The following LINGO2 variants were observed in gnomAD, a reference collection of about 807,000 sequenced individuals.
LINGO2 encodes leucine-rich repeat and immunoglobulin-like domain-containing nogo receptor-interacting protein 2.
LINGO2 carries 14 observed loss-of-function variants against 30.6 expected under a neutral mutation model. The observed-to-expected ratio is 0.46, with a 90% confidence interval of 0.30 to 0.72. The LOEUF is 0.72. Ranked by LOEUF, LINGO2 falls within the 30% of genes least tolerant of loss-of-function variation. LINGO2 has a pLI of 0.07. For synonymous variants in LINGO2, 317 were observed against 288.5 expected (o/e 1.10, Z -1.00); for missense variants, 729 against 751.7 (o/e 0.97, Z 0.35).
rs570109610 is a variant in LINGO2, at chr9:28,284,360, T to G, written c.-87+10848A>C. Among the ~76,000 whole-genome samples the G allele has an allele frequency of 3.9e-5, 6 of 152,310 alleles. No homozygotes were observed. In the South Asian group the frequency reaches 1.2e-3, roughly 32 times the overall value. On this transcript the variant is annotated intron_variant, in intron 4 of 5. Coordinates refer to ENST00000379992, the Ensembl canonical transcript of LINGO2. The stretch of plus-strand genomic sequence containing the variant: ...CTTGTGATGTAGATTCTGCACTCAC[T>G]GAGAAGACTGGACCAACCCAAAACC...
At chr9:28,685,477 AT>A in the LINGO2 span, among the ~76,000 whole-genome samples, 1 of 152,142 alleles carries the variant, frequency 6.6e-6, no homozygotes, top group African/African-American at 2.4e-5. Context: ...TAATAATAAC[AT>A]TTCGTACAAT....
the LINGO2 span, among the ~76,000 whole-genome samples, chr9:28,878,802 A>G: frequency 6.6e-6 from 1 of 152,294 alleles, no homozygotes; most frequent in East Asian, 1.9e-4. Flanking sequence ...TTCATGCTAA[A>G]AACTCTCAAT....
chr9:28,895,739 G>A, the LINGO2 span, among the ~76,000 whole-genome samples: 1 of 152,138 alleles, frequency 6.6e-6, no homozygotes, highest in Non-Finnish European at 1.5e-5. Context: ...GGATGTCACA[G>A]GAGGGAGAAC....
intron 3 of LINGO2, among the ~76,000 whole-genome samples, chr9:28,308,487 A>C (rs1186853643): frequency 4.8e-5 from 7 of 146,676 alleles, no homozygotes; most frequent in African/African-American, 1.8e-4. Flanking sequence ...CCTAGAAGAA[A>C]ACCTAGGCGT....
the LINGO2 span, among the ~76,000 whole-genome samples, chr9:28,929,831 T>C: frequency 3.9e-5 from 6 of 152,188 alleles, no homozygotes; most frequent in Non-Finnish European, 2.9e-5. Context: ...ACCCCTGAGA[T>C]TGAGACTAAG....
the LINGO2 span, among the ~76,000 whole-genome samples, chr9:29,078,800 C>T: frequency 6.6e-6 from 1 of 151,768 alleles, no homozygotes; most frequent in Non-Finnish European, 1.5e-5. Context: ...GCAATTTGTC[C>T]CATTATCTTA....
At chr9:29,142,594 T>A in the LINGO2 span, among the ~76,000 whole-genome samples, 1 of 151,734 alleles carries the variant, frequency 6.6e-6, no homozygotes, top group Admixed American at 6.6e-5. Context: ...AAAACAGTAG[T>A]AACAATAAAA....
At chr9:28,280,624 A>G (rs1340751783) in intron 4 of LINGO2, among the ~76,000 whole-genome samples, 2 of 152,094 alleles carry the variant, frequency 1.3e-5, no homozygotes, top group African/African-American at 4.8e-5. Context: ...GGTAGAGGTA[A>G]AACATCTGGA....
chr9:28,094,049 T>A (rs1323178765), intron 4 of LINGO2, among the ~76,000 whole-genome samples: 1 of 152,108 alleles, frequency 6.6e-6, no homozygotes, highest in Non-Finnish European at 1.5e-5. Context: ...ATAAATGTGA[T>A]CTGAACAATG....
intron 2 of LINGO2, among the ~76,000 whole-genome samples, chr9:28,422,897 A>G (rs1823260585): frequency 6.6e-6 from 1 of 152,110 alleles, no homozygotes; most frequent in Non-Finnish European, 1.5e-5. Flanking sequence ...CTTTGAAGAC[A>G]TCATGCTGAA....
chr9:28,440,592 T>TA lies in LINGO2; in HGVS notation c.-279+35347dup, dbSNP rs536498209. 3.3e-3 allele frequency among the ~76,000 whole-genome samples: 496 copies of TA among 152,198 alleles called. 4 individuals carry two copies. The highest frequency in any genetic ancestry group is 0.011 in the African/African-American group (456 of 41,544). Reference sequence around the variant, plus strand: ...CATGTCTTTTAGAAATACCATAGGATAAAAAAATTACACAAAAACTCTGAA... The same window carrying TA: ...CATGTCTTTTAGAAATACCATAGGATAAAAAAAATTACACAAAAACTCTGAA... On this transcript the variant is annotated intron_variant, in intron 2 of 5. Transcript: ENST00000379992.
the LINGO2 span, among the ~76,000 whole-genome samples, chr9:28,769,759 T>C: frequency 6.6e-6 from 1 of 151,298 alleles, no homozygotes; most frequent in African/African-American, 2.4e-5. Context: ...CTATCATGCA[T>C]AGAATAGATC....
the LINGO2 span, among the ~76,000 whole-genome samples, chr9:28,948,858 T>A: frequency 4.6e-5 from 7 of 151,926 alleles, no homozygotes; most frequent in Non-Finnish European, 1.0e-4. Context: ...CGTTCCTGGA[T>A]TTCTATTTTT....
chr9:28,950,239 G>A, the LINGO2 span, among the ~76,000 whole-genome samples: 111,577 of 152,030 alleles, frequency 0.73, 41,139 homozygotes, highest in Non-Finnish European at 0.78. Flanking sequence ...TTGATGGAAC[G>A]TATCTCAAAA....
At chr9:29,104,013 C>T in the LINGO2 span, among the ~76,000 whole-genome samples, 1 of 152,256 alleles carries the variant, frequency 6.6e-6, no homozygotes, top group South Asian at 2.1e-4. Context: ...TTAGCTTGTG[C>T]ATATAAGGTG....
chr9:28,328,555 T>TG (rs1044220367), intron 3 of LINGO2, among the ~76,000 whole-genome samples: 2 of 127,394 alleles, frequency 1.6e-5, no homozygotes, highest in African/African-American at 5.3e-5. Context: ...AGTCCATCTT[T>TG]GAAAAAAAAA....
intron 4 of LINGO2, among the ~76,000 whole-genome samples, chr9:28,040,043 T>C (rs573628321): frequency 6.6e-6 from 1 of 152,344 alleles, no homozygotes; most frequent in Non-Finnish European, 1.5e-5. Context: ...AGGTGAACTA[T>C]TTTCATCCTG....
At chr9:28,906,318 G>T in the LINGO2 span, among the ~76,000 whole-genome samples, 2 of 151,388 alleles carry the variant, frequency 1.3e-5, no homozygotes, top group Non-Finnish European at 2.9e-5. Flanking sequence ...ACTACAAAAA[G>T]TAAGTATGTG....
the LINGO2 span, among the ~76,000 whole-genome samples, chr9:28,781,696 GAAGT>G: frequency 1.3e-3 from 197 of 152,150 alleles, no homozygotes; most frequent in African/African-American, 4.6e-3. Context: ...AAGAAACAAA[GAAGT>G]AAGAGATCTG....
Sources: allele counts gnomAD v4.1 joint callset (sites outside exome capture counted in the v4.1 genomes callset), GRCh38; gene constraint gnomAD v4.1.1; transcripts MANE v1.5; gene names NCBI Gene and HGNC (gene_info 2026-07-23, HGNC 2026-07-21).